Variants in STK31 observed in about 807,000 individuals in gnomAD.
STK31 encodes serine/threonine kinase 31.
Under a neutral mutation model 129.7 loss-of-function variants are expected in STK31, and 89 were observed. That is an observed-to-expected ratio of 0.69 (90% CI 0.58 to 0.82). The LOEUF is 0.82. Ranked by LOEUF, STK31 falls within the 40% of genes least tolerant of loss-of-function variation. The pLI is 0.00. For missense variants in STK31, 1,187 were observed against 1,176.4 expected (o/e 1.01, Z -0.13); for synonymous variants, 448 against 395.3 (o/e 1.13, Z -1.58).
intron 13 of STK31, among the ~76,000 whole-genome samples, chr7:23,770,425 A>G (rs1790108872): frequency 6.6e-6 from 1 of 152,104 alleles, no homozygotes; most frequent in South Asian, 2.1e-4. Context: ...CCTGATGTAG[A>G]TAGTTTTGTC....
At position 23,727,018 on chromosome 7, in the gene STK31, C is replaced by G. The variant is rs533351739; in HGVS notation, c.250-223C>G. On this transcript the variant is annotated intron_variant, in intron 4 of 23. Transcript: ENST00000355870. ...GAGATGCAGAATAGCATAATGAACT[C>G]TGAAGTCAGAAGTTTGAATCTTGGT... 2.0e-5 allele frequency among the ~76,000 whole-genome samples: 3 copies of G among 152,128 alleles called. No individual in the cohort carries two copies. The East Asian group carries it at 5.8e-4, about 29-fold the overall frequency.
chr7:23,791,868 A>G (rs539883206), intron 22 of STK31, among the ~76,000 whole-genome samples: 52 of 152,328 alleles, frequency 3.4e-4, no homozygotes, highest in Middle Eastern at 3.4e-3. Context: ...TCTCTGTTGC[A>G]AGTACTGAGT....
intron 22 of STK31, among the ~76,000 whole-genome samples, chr7:23,799,727 A>G (rs1325270441): frequency 4.6e-5 from 7 of 152,354 alleles, no homozygotes; most frequent in Admixed American, 3.3e-4. Flanking sequence ...ACAAATGCCA[A>G]AATTGACAAA....
At chr7:23,776,854 C>A (rs568777355) in intron 15 of STK31, among the ~76,000 whole-genome samples, 15 of 151,988 alleles carry the variant, frequency 9.9e-5, no homozygotes, top group Non-Finnish European at 2.2e-4. Flanking sequence ...TATTTCTTGT[C>A]TTCTACTAGC....
chr7:23,794,198 G>T (rs1055051889), intron 22 of STK31, among the ~76,000 whole-genome samples: 1 of 152,150 alleles, frequency 6.6e-6, no homozygotes, highest in Non-Finnish European at 1.5e-5. Flanking sequence ...CAAGGGTGGG[G>T]TCAGGTGGAG....
chr7:23,745,333 G>A (rs73271372), intron 8 of STK31, among the ~76,000 whole-genome samples: 2,119 of 152,252 alleles, frequency 0.014, 55 homozygotes, highest in African/African-American at 0.048. Flanking sequence ...CTCTGATTGC[G>A]GTAGGCAGGT....
At chr7:23,775,053 C>T (rs910737828) in intron 15 of STK31, among the ~76,000 whole-genome samples, 1 of 151,644 alleles carries the variant, frequency 6.6e-6, no homozygotes, top group Admixed American at 6.6e-5. Flanking sequence ...CCATTGCTTT[C>T]CCAGTTTTCC....
rs1468165435 is a variant in STK31 at position 23,757,487 on chromosome 7, C to T, written c.1293+3013C>T. 2.0e-5 allele frequency among the ~76,000 whole-genome samples: 3 copies of T among 152,180 alleles called. No individual in the cohort carries two copies. In the East Asian group the frequency reaches 5.8e-4, roughly 29 times the overall value. ...AGCAGGAAAACATGTGAACAAATGTCTCTGTGTCATAAACAAGGTTAGAAA... is the reference window on the plus strand; with the variant it reads ...AGCAGGAAAACATGTGAACAAATGTTTCTGTGTCATAAACAAGGTTAGAAA... On this transcript the variant is annotated intron_variant, in intron 10 of 23. Transcript: ENST00000355870.
At chr7:23,758,894 C>A (rs1789277094) in intron 10 of STK31, among the ~76,000 whole-genome samples, 1 of 152,098 alleles carries the variant, frequency 6.6e-6, no homozygotes, top group Admixed American at 6.6e-5. Flanking sequence ...ATTCAGGAGA[C>A]CCATCTTCCG....
At position 23,729,248 on chromosome 7, in the gene STK31, AG is replaced by A; in HGVS notation, c.483+1del. The A allele has an allele frequency of 6.3e-7, 1 of 1,579,456 alleles. No individual in the cohort carries two copies. The highest frequency in any genetic ancestry group is 1.2e-5 in the South Asian group (1 of 84,130). On this transcript the variant is annotated frameshift_variant and splice_region_variant, in exon 6 of 24. Coordinates refer to ENST00000355870, the MANE Select transcript of STK31 (RefSeq NM_031414.5). LOFTEE classifies it high-confidence loss of function. ...GATCAAGAAGTTACCCAGTTTGATC[AG>A]GCAAGTCACGTATTTTAAATATTTT... ...PSDQEVTQFD[Q>X]GTTFLGSLIF... is the part of the protein sequence containing the mutation.
chr7:23,822,878 A>T (rs2390822), intron 23 of STK31, among the ~76,000 whole-genome samples: 2 of 151,886 alleles, frequency 1.3e-5, no homozygotes, highest in Admixed American at 6.6e-5. Context: ...TAGTTTGCTG[A>T]GAATGATGGT....
chr7:23,789,979 T>C (rs1489088253), intron 21 of STK31, among the ~76,000 whole-genome samples: 7 of 152,152 alleles, frequency 4.6e-5, no homozygotes, highest in Non-Finnish European at 1.0e-4. Context: ...GATCATTGCT[T>C]TTCAGGCCTT....
At chr7:23,764,980 G>C (rs986936250) in intron 11 of STK31, among the ~76,000 whole-genome samples, 22 of 151,074 alleles carry the variant, frequency 1.5e-4, no homozygotes, top group Non-Finnish European at 2.8e-4. Context: ...TTTTTTGTTT[G>C]CCTTTTAAGT....
chr7:23,829,731 A>G (rs182155144), intron 23 of STK31, among the ~76,000 whole-genome samples: 204 of 152,328 alleles, frequency 1.3e-3, no homozygotes, highest in African/African-American at 4.5e-3. Flanking sequence ...AAAGTTCAGT[A>G]GAATTCAGCA....
chr7:23,790,670 T>C (rs931088589), intron 21 of STK31, among the ~76,000 whole-genome samples, 154 bp from the exon 22 acceptor site: 2 of 152,166 alleles, frequency 1.3e-5, no homozygotes, highest in Non-Finnish European at 2.9e-5. Flanking sequence ...TTAAGAGCAA[T>C]TTATAATAGC....
chr7:23,784,940 C>T (rs1403010028), intron 17 of STK31, among the ~76,000 whole-genome samples: 2 of 152,036 alleles, frequency 1.3e-5, no homozygotes, highest in Non-Finnish European at 2.9e-5. Context: ...CCATTTGATA[C>T]CTACATTTTT....
intron 5 of STK31, 94 bp downstream of exon 5, chr7:23,727,409 G>A (rs566790986): frequency 1.4e-5 from 14 of 999,680 alleles, no homozygotes; most frequent in East Asian, 5.1e-5. Flanking sequence ...TTGCTTATTC[G>A]TAGTACTGAT....
chr7:23,805,693 C>G (rs987768554), intron 22 of STK31, among the ~76,000 whole-genome samples: 3 of 152,180 alleles, frequency 2.0e-5, no homozygotes, highest in African/African-American at 7.2e-5. Context: ...CCATGTTGCC[C>G]AGCTTGGTCT....
At chr7:23,716,285 C>T (rs893919284) in intron 3 of STK31, among the ~76,000 whole-genome samples, 6 of 152,118 alleles carry the variant, frequency 3.9e-5, no homozygotes, top group Non-Finnish European at 5.9e-5. Flanking sequence ...AAGAGTTCCA[C>T]AGAAGTGATA....
Sources: allele counts gnomAD v4.1 joint callset (sites outside exome capture counted in the v4.1 genomes callset), GRCh38; gene constraint gnomAD v4.1.1; transcripts MANE v1.5; gene names NCBI Gene and HGNC (gene_info 2026-07-23, HGNC 2026-07-21).